The following SLCO2A1 variants were observed in gnomAD, a reference collection of about 807,000 sequenced individuals.
The protein encoded by SLCO2A1 is solute carrier organic anion transporter family member 2A1, also known as matrin F/G 1.
SLCO2A1 carries 60 observed loss-of-function variants against 71.7 expected under a neutral mutation model. The ratio of observed to expected loss-of-function variants is 0.84; its 90% CI spans 0.68 to 1.04. The LOEUF is 1.04. SLCO2A1 is among the 50% of genes least tolerant of loss of function. The probability of loss-of-function intolerance (pLI) is 0.00; values close to 1 mark genes in which losing one functional copy is unlikely to be tolerated. For synonymous variants in SLCO2A1, 308 were observed against 326.7 expected, an observed-to-expected ratio of 0.94 and a Z score of 0.62; for missense variants, 745 against 813.4, an observed-to-expected ratio of 0.92 and a Z score of 1.02.
At chr3:133,990,945 A>T (rs1314677004) in intron 1 of SLCO2A1, among the ~76,000 whole-genome samples, 1 of 152,016 alleles carries the variant, frequency 6.6e-6, no homozygotes, top group East Asian at 1.9e-4. Flanking sequence ...CCCCATCTCT[A>T]CTAAAAATAC....
chr3:133,942,735 A>T lies in SLCO2A1; in HGVS notation c.1495T>A (p.Ser499Thr). 2 of 1,610,502 alleles carry T rather than the reference A, an allele frequency of 1.2e-6. No homozygotes were observed. The highest frequency in any genetic ancestry group is 1.7e-6 in the Non-Finnish European group (2 of 1,178,808). ...CACGATCCTGTCTTTGCTGAAGCGG[A>T]TCCCCCGGTCACACAGCTGCAGTTC... Reference protein sequence around the residue: ...YLNCSCVTGGSASAKTGSCPV... With the variant: ...YLNCSCVTGGTASAKTGSCPV... Residue 499 changes from serine (S) to threonine (T), a missense_variant, in exon 11 of 14, where the codon TCC becomes ACC. By Grantham distance (58) the Ser-to-Thr change is moderately conservative. Transcript: ENST00000310926.
rs1933184032 is a variant in SLCO2A1 at position 133,933,245 on chromosome 3, T to C, written c.*1468A>G. The C allele has an allele frequency of 6.6e-6, 1 of 152,258 alleles. No homozygotes were observed. The allele number at this position is 152,258 out of a possible 1,614,324, so 9.4% of individuals were successfully genotyped here. ...AGGTGCAGAGTCAGTCTGGGGGCCA[T>C]GGATGGCATGGATAGTCAGGTCAGG... is the stretch of plus-strand genomic sequence containing the variant. On this transcript the variant is annotated 3_prime_UTR_variant, in exon 14 of 14. Coordinates refer to ENST00000310926, the MANE Select transcript of SLCO2A1 (RefSeq NM_005630.3).
chr3:133,970,389 G>T (rs776946568), intron 3 of SLCO2A1, among the ~76,000 whole-genome samples: 2 of 152,112 alleles, frequency 1.3e-5, no homozygotes, highest in Admixed American at 6.5e-5. Context: ...GACCATTCAG[G>T]TTCACACCCC....
intron 11 of SLCO2A1, among the ~76,000 whole-genome samples, chr3:133,942,024 C>T (rs2108038595): frequency 6.6e-6 from 1 of 152,286 alleles, no homozygotes; most frequent in South Asian, 2.1e-4. Flanking sequence ...GACGGAGTCT[C>T]ACTCTGTCAC....
chr3:133,943,921 G>A (rs1282432484), intron 10 of SLCO2A1, among the ~76,000 whole-genome samples: 2 of 152,198 alleles, frequency 1.3e-5, no homozygotes, highest in African/African-American at 4.8e-5. Context: ...TGGGCTTAAG[G>A]GAATAAGGCA....
chr3:133,943,349 G>A (rs1268100709), intron 10 of SLCO2A1, among the ~76,000 whole-genome samples: 1 of 152,148 alleles, frequency 6.6e-6, no homozygotes, highest in Non-Finnish European at 1.5e-5. Context: ...CACTTTGGTG[G>A]CCACTGCCCT....
chr3:133,943,062 C>T (rs1432625448), intron 10 of SLCO2A1, among the ~76,000 whole-genome samples: 1 of 152,238 alleles, frequency 6.6e-6, no homozygotes, highest in East Asian at 1.9e-4. Flanking sequence ...GGTTAGGCCC[C>T]CAACCCCCAG....
rs185207570 is a variant in SLCO2A1, at chr3:133,999,227, C to A, written c.97-19609G>T. Among the ~76,000 whole-genome samples the A allele has an allele frequency of 7.2e-3, 1,101 of 152,310 alleles. 6 individuals carry two copies. The highest frequency in any genetic ancestry group is 0.034 in the Middle Eastern group (10 of 294). On this transcript the variant is annotated intron_variant, in intron 1 of 13. Coordinates refer to ENST00000310926, the MANE Select transcript of SLCO2A1 (RefSeq NM_005630.3). ...ATCGCAGTTCAAAACACACACTGTTCAAGACTTATCAGGAAATGGATGCTG... is the reference window on the plus strand; with the variant it reads ...ATCGCAGTTCAAAACACACACTGTTAAAGACTTATCAGGAAATGGATGCTG...
chr3:134,006,043 A>C (rs1380140694), intron 1 of SLCO2A1, among the ~76,000 whole-genome samples: 3 of 152,042 alleles, frequency 2.0e-5, no homozygotes, highest in African/African-American at 7.2e-5. Flanking sequence ...GTGTAACATA[A>C]AACTTGCCAT....
chr3:133,993,480 GAA>G (rs200189721), intron 1 of SLCO2A1, among the ~76,000 whole-genome samples: 1 of 151,532 alleles, frequency 6.6e-6, no homozygotes, highest in Non-Finnish European at 1.5e-5. Flanking sequence ...ACCACAGATT[GAA>G]AAAAAATTCT....
chr3:133,989,513 C>G (rs1194225330), intron 1 of SLCO2A1, among the ~76,000 whole-genome samples: 1 of 152,180 alleles, frequency 6.6e-6, no homozygotes, highest in Non-Finnish European at 1.5e-5. Flanking sequence ...CCAGTCCTCC[C>G]ATTCCACAGT....
intron 1 of SLCO2A1, among the ~76,000 whole-genome samples, chr3:134,012,132 T>A (rs909816142): frequency 3.9e-5 from 6 of 152,134 alleles, no homozygotes; most frequent in Non-Finnish European, 2.9e-5. Flanking sequence ...GGGCCACACA[T>A]GTCCCAGCAA....
At chr3:133,969,454 A>C (rs539472611) in intron 3 of SLCO2A1, among the ~76,000 whole-genome samples, 1 of 152,256 alleles carries the variant, frequency 6.6e-6, no homozygotes, top group Middle Eastern at 3.4e-3. Context: ...TAGCATGATC[A>C]TAACTCATTA....
In SLCO2A1 at chr3:133,948,698, A is replaced by G. The variant is rs759064556; in HGVS notation, c.943T>C (p.Phe315Leu). The change falls in exon 8 of 14, where the codon TTT (phenylalanine) becomes CTT (leucine). Residue 315 changes from phenylalanine to leucine, a missense_variant and splice_region_variant. By Grantham distance (22) the Phe-to-Leu change is conservative. Coordinates refer to ENST00000310926, the MANE Select transcript of SLCO2A1 (RefSeq NM_005630.3). The part of the protein sequence containing the change: ...RGSLVDFIKR[F>L]PCIFLRLLMN... Reference sequence around the variant, plus strand: ...AGGAGCCTCAGAAAGATGCATGGAAACCCTGTGAACAGACCGCTGTCAAGG... The same window carrying G: ...AGGAGCCTCAGAAAGATGCATGGAAGCCCTGTGAACAGACCGCTGTCAAGG... The G allele has an allele frequency of 2.5e-5, 40 of 1,612,890 alleles. No homozygotes were observed. The Admixed American group carries it at 6.7e-4, about 27-fold the overall frequency.
intron 1 of SLCO2A1, among the ~76,000 whole-genome samples, chr3:134,028,858 C>G (rs997953943): frequency 6.6e-6 from 1 of 152,230 alleles, no homozygotes; most frequent in African/African-American, 2.4e-5. Context: ...AGCCCGAGTG[C>G]GGATTGAACC....
intron 3 of SLCO2A1, among the ~76,000 whole-genome samples, chr3:133,965,669 G>A (rs55881364): frequency 0.51 from 76,943 of 151,998 alleles, 19,556 homozygotes; most frequent in South Asian, 0.57. Context: ...TGTTTTGACC[G>A]CAAGTTCACA....
chr3:134,026,175 A>G (rs1935697453), intron 1 of SLCO2A1, among the ~76,000 whole-genome samples: 1 of 152,122 alleles, frequency 6.6e-6, no homozygotes, highest in African/African-American at 2.4e-5. Flanking sequence ...GAATTTACTC[A>G]CCCCATAGGA....
At chr3:133,953,603 G>A in intron 5 of SLCO2A1, 60 bp downstream of exon 5, 2 of 1,330,342 alleles carry the variant, frequency 1.5e-6, no homozygotes, top group South Asian at 1.2e-5. Context: ...TTGGATGAGG[G>A]GGCTGGGGGC....
intron 1 of SLCO2A1, among the ~76,000 whole-genome samples, chr3:134,024,975 C>T (rs1935668661): frequency 6.6e-6 from 1 of 152,066 alleles, no homozygotes; most frequent in Non-Finnish European, 1.5e-5. Context: ...CATCCTTAAA[C>T]ATCAGTAGAC....
Sources: allele counts gnomAD v4.1 joint callset (sites outside exome capture counted in the v4.1 genomes callset), GRCh38; gene constraint gnomAD v4.1.1; transcripts MANE v1.5; gene names NCBI Gene and HGNC (gene_info 2026-07-23, HGNC 2026-07-21).